The following MELTF variants were observed in gnomAD, a reference collection of about 807,000 sequenced individuals.
MELTF encodes the protein melanotransferrin.
MELTF carries 67 observed loss-of-function variants against 83.7 expected under a neutral mutation model. The ratio of observed to expected loss-of-function variants is 0.80; its 90% CI spans 0.66 to 0.98. MELTF has a LOEUF of 0.98. Among genes scored for constraint, MELTF ranks in the 50% least tolerant of loss-of-function variants. The probability of loss-of-function intolerance (pLI) is 0.00; values close to 1 mark genes in which losing one functional copy is unlikely to be tolerated. For synonymous variants in MELTF, 462 were observed against 447.6 expected (o/e 1.03, Z -0.41); for missense variants, 1,002 against 1,035.6 (o/e 0.97, Z 0.44).
intron 6 of MELTF, among the ~76,000 whole-genome samples, chr3:197,018,204 G>C (rs778488171): frequency 6.6e-6 from 1 of 152,168 alleles, no homozygotes; most frequent in Non-Finnish European, 1.5e-5. Context: ...CTGGAGTGCA[G>C]TGGCACGATC....
chr3:197,027,858 G>C lies in MELTF; in HGVS notation c.102C>G (p.His34Gln), dbSNP rs943304669. ...RWCATSDPEQ[H>Q]KCGNMSEAFR... ...AGGCCTCGCTCATGTTGCCGCACTT[G>C]TGCTGCTCTGGGTCCGAGGTGGCGC... Residue 34 changes from histidine to glutamine, a missense_variant, in exon 2 of 16, where the codon CAC becomes CAG. Physicochemically the swap from His to Gln is conservative, Grantham distance 24. Transcript: ENST00000296350. The C allele has an allele frequency of 6.2e-7, 1 of 1,610,664 alleles. No individual in the cohort carries two copies. The highest frequency in any genetic ancestry group is 1.1e-5 in the South Asian group (1 of 90,680).
At position 197,003,341 on chromosome 3, in the gene MELTF, G is replaced by A. The variant is rs1718828183; in HGVS notation, c.*31C>T. On this transcript the variant is annotated 3_prime_UTR_variant, in exon 16 of 16. Coordinates refer to ENST00000296350, the MANE Select transcript of MELTF (RefSeq NM_005929.6). The surrounding 1 kb of genome is among the most constrained non-coding windows in gnomAD (Gnocchi z 6.2). The stretch of plus-strand genomic sequence containing the variant: ...GCCGCCGCGGAAACTCCCCGGGCGG[G>A]CATCGGAGCTCTGGGGCGGGGCGGC... 5 of 1,062,368 alleles carry A rather than the reference G, an allele frequency of 4.7e-6. No homozygotes were observed. Among genetic ancestry groups the A allele is most frequent in the Non-Finnish European group, 5.7e-6 (5 of 881,388 alleles). 65.8% of individuals were successfully genotyped at this position (1,062,368 alleles called of 1,614,324 possible). A position where few individuals can be genotyped will look rare whatever the true frequency, so the allele number is the denominator to read the frequency against.
In MELTF at chr3:197,014,383, G is replaced by GTTTT. The variant is rs71623319; in HGVS notation, c.1233+978_1233+981dup. 8.0e-3 allele frequency among the ~76,000 whole-genome samples: 805 copies of GTTTT among 101,040 alleles called. 28 individuals carry two copies. The highest frequency in any genetic ancestry group is 0.016 in the Middle Eastern group (2 of 128). The allele number at this position is 101,040 out of a possible 152,430, so 66.3% of individuals were successfully genotyped here. On this transcript the variant is annotated intron_variant, in intron 9 of 15. Transcript: ENST00000296350. ...GTAGGGGAAGGGAGGAATAGGGAGAGTTTTTTTTTTTTTTTTTTTTTTTGA... is the reference window on the plus strand; with the variant it reads ...GTAGGGGAAGGGAGGAATAGGGAGAGTTTTTTTTTTTTTTTTTTTTTTTTTTTGA...
At chr3:197,026,989 T>C in intron 2 of MELTF, 1 of 542,156 alleles carries the variant, frequency 1.8e-6, no homozygotes, top group East Asian at 3.0e-5. Flanking sequence ...ATCATTGATT[T>C]TGCAGGACTC....
At position 197,024,349 on chromosome 3, in the gene MELTF, C is replaced by A. The variant is rs140732863; in HGVS notation, c.441G>T (p.Leu147=). The A allele has an allele frequency of 6.3e-7, 1 of 1,598,792 alleles. No individual in the cohort carries two copies. Among genetic ancestry groups the A allele is most frequent in the Non-Finnish European group, 8.5e-7 (1 of 1,170,046 alleles). The change falls in exon 4 of 16, where the codon CTG becomes CTT. Residue 147 remains leucine (L), a synonymous_variant. Coordinates refer to ENST00000296350, the MANE Select transcript of MELTF (RefSeq NM_005929.6). This position sits in a 1 kb window ranked among gnomAD's most constrained non-coding sequence, Gnocchi z 5.3. ...TVGWNVPVGY[L]VESGRLSVMG... is the part of the protein sequence containing the mutation. ...TCACCGAGAGGCGGCCGCTCTCCAC[C>A]AGGTAGCCCACGGGCACGTTCCAGC...
chr3:197,007,659 T>A lies in MELTF; in HGVS notation c.1751-923A>T, dbSNP rs1006447620. ...CAGGTGTTCTTGGTAGGAGGCTGGG[T>A]GGGGGAGCTGGGCTGTGGCAACAGG... is the stretch of plus-strand genomic sequence containing the variant. On this transcript the variant is annotated intron_variant, in intron 13 of 15. Transcript: ENST00000296350. This position sits in a 1 kb window ranked among gnomAD's most constrained non-coding sequence, Gnocchi z 4.3. Among the ~76,000 whole-genome samples, 1 of 151,932 alleles carries A rather than the reference T, an allele frequency of 6.6e-6. No individual in the cohort carries two copies. The highest frequency in any genetic ancestry group is 1.5e-5 in the Non-Finnish European group (1 of 67,966).
intron 11 of MELTF, 80 bp from the exon 12 acceptor site, chr3:197,009,045 G>A (rs1719086390): frequency 6.5e-7 from 1 of 1,543,104 alleles, no homozygotes; most frequent in Non-Finnish European, 8.8e-7. Flanking sequence ...CTCCCCCACA[G>A]GTCTGCCCAC....
At position 197,024,554 on chromosome 3, in the gene MELTF, C is replaced by T; in HGVS notation, c.305-69G>A. 4.2e-6 allele frequency: 6 copies of T among 1,414,998 alleles called. No homozygotes were observed. The highest frequency in any genetic ancestry group is 5.8e-6 in the Non-Finnish European group (6 of 1,042,922). The allele number at this position is 1,414,998 out of a possible 1,614,324, so 87.7% of individuals were successfully genotyped here. A position where few individuals can be genotyped will look rare whatever the true frequency, so the allele number is the denominator to read the frequency against. ...CGAGAGAGGCTGCACCAGCACCCTG[C>T]CTGGGCGGGCTGTGGGAGAGGTGTG... On this transcript the variant is annotated intron_variant, in intron 3 of 15. Transcript: ENST00000296350. This position sits in a 1 kb window ranked among gnomAD's most constrained non-coding sequence, Gnocchi z 5.3.
At chr3:197,004,224 A>G in intron 14 of MELTF, 125 bp from the exon 15 acceptor site, 1 of 891,750 alleles carries the variant, frequency 1.1e-6, no homozygotes. Context: ...TCAGGGCCCC[A>G]CCACTCTGAT....
rs1386007141 is a variant in MELTF at position 197,002,219 on chromosome 3, C to T, written c.*1153G>A. 1 of 152,262 alleles carries T rather than the reference C, an allele frequency of 6.6e-6. No individual in the cohort carries two copies. The highest frequency in any genetic ancestry group is 2.4e-5 in the African/African-American group (1 of 41,474). 9.4% of individuals were successfully genotyped at this position (152,262 alleles called of 1,614,324 possible). The stretch of plus-strand genomic sequence containing the variant: ...CACCGGGAACCGGGCCTGTCACCAG[C>T]ATCCCCGAGCCCCCGCAGACCGGAA... On this transcript the variant is annotated 3_prime_UTR_variant, in exon 16 of 16. Coordinates refer to ENST00000296350, the MANE Select transcript of MELTF (RefSeq NM_005929.6).
At chr3:197,009,923 G>A (rs773952856) in intron 10 of MELTF, 111 bp from the exon 11 acceptor site, 879 of 1,034,828 alleles carry the variant, frequency 8.5e-4, no homozygotes, top group Admixed American at 9.3e-4. Flanking sequence ...CCTGAGCTAT[G>A]CAGGCCAAAG....
intron 3 of MELTF, 119 bp downstream of exon 3, chr3:197,026,541 C>A: frequency 1.2e-6 from 1 of 858,498 alleles, no homozygotes; most frequent in Non-Finnish European, 1.9e-6. Flanking sequence ...CTGGCTGGGA[C>A]TCCAGGACTG....
intron 6 of MELTF, chr3:197,019,877 C>T: frequency 5.4e-6 from 8 of 1,469,626 alleles, no homozygotes; most frequent in Non-Finnish European, 7.2e-6. Context: ...ATCAGACGTC[C>T]TGGGAGACGC....
chr3:197,021,352 C>T (rs904693917), intron 6 of MELTF, 52 bp downstream of exon 6: 21 of 1,586,752 alleles, frequency 1.3e-5, no homozygotes, highest in South Asian at 3.3e-5. Flanking sequence ...TGCCCCAAGC[C>T]GGCCTGGCCT....
At position 197,020,640 on chromosome 3, in the gene MELTF, C is replaced by A. The variant is rs114740930; in HGVS notation, c.712+764G>T. ...AAAAAACTTAAATGACATGATGGCT[C>A]AATATATAACACCAGTCTTTGTGGG... On this transcript the variant is annotated intron_variant, in intron 6 of 15. Coordinates refer to ENST00000296350, the MANE Select transcript of MELTF (RefSeq NM_005929.6). Among the ~76,000 whole-genome samples, 447 of 151,602 alleles carry A rather than the reference C, an allele frequency of 2.9e-3. 2 individuals are homozygous for A. Among genetic ancestry groups the A allele is most frequent in the African/African-American group, 0.011 (436 of 41,388 alleles).
rs1275364715 is a variant in MELTF, at chr3:197,002,260, G to A, written c.*1112C>T. On this transcript the variant is annotated 3_prime_UTR_variant, in exon 16 of 16. Transcript: ENST00000296350. ...CAGACCGGAATGCAAATGGCTCCGC[G>A]CCCACGCGGCTCCCGGTCTGCTGAC... 2.6e-5 allele frequency: 4 copies of A among 152,212 alleles called. No homozygotes were observed. Among genetic ancestry groups the A allele is most frequent in the East Asian group, 3.9e-4 (2 of 5,192 alleles). The allele number at this position is 152,212 out of a possible 1,614,324, so 9.4% of individuals were successfully genotyped here.
At chr3:197,023,494 G>A (rs887228870) in intron 4 of MELTF, among the ~76,000 whole-genome samples, 2 of 152,234 alleles carry the variant, frequency 1.3e-5, no homozygotes, top group African/African-American at 4.8e-5. Flanking sequence ...CTGATGGGTA[G>A]ACAACCCTTC....
rs1718843879 is a variant in MELTF at position 197,003,518 on chromosome 3, C to CTGGGG, written c.2138-72_2138-68dup. Reference sequence around the variant, plus strand: ...GCGGTGGCCGCCTCAGGCGCCCGCTCTGGGGTGGGGGTGGGGGCATCTTTC... The same window carrying CTGGGG: ...GCGGTGGCCGCCTCAGGCGCCCGCTCTGGGGTGGGGTGGGGGTGGGGGCATCTTTC... On this transcript the variant is annotated intron_variant, in intron 15 of 15. Transcript: ENST00000296350. The surrounding 1 kb of genome is among the most constrained non-coding windows in gnomAD (Gnocchi z 6.2). 2.7e-5 allele frequency: 2 copies of CTGGGG among 75,120 alleles called. No individual in the cohort carries two copies. The highest frequency in any genetic ancestry group is 4.4e-5 in the Non-Finnish European group (2 of 45,970). 4.7% of individuals were successfully genotyped at this position (75,120 alleles called of 1,614,324 possible).
intron 11 of MELTF, 76 bp from the exon 12 acceptor site, chr3:197,009,041 C>G: frequency 6.4e-6 from 10 of 1,557,058 alleles, no homozygotes; most frequent in Non-Finnish European, 7.0e-6. Flanking sequence ...GCCGCTCCCC[C>G]ACAGGTCTGC....
Sources: gnomAD v4.1 joint callset for allele counts (sites outside exome capture counted in the v4.1 genomes callset) on GRCh38, gnomAD v4.1.1 for gene constraint, Gnocchi (gnomAD v3.1) non-coding constraint, MANE v1.5 for transcripts, NCBI Gene and HGNC (gene_info 2026-07-23, HGNC 2026-07-21) for gene names.